The following PHF3 variants were observed in gnomAD, a reference collection of about 807,000 sequenced individuals.
PHF3 encodes PHD finger protein 3.
PHF3 carries 41 observed loss-of-function variants against 178.4 expected under a neutral mutation model. The observed-to-expected ratio is 0.23, with a 90% CI of 0.18 to 0.30. The LOEUF (loss-of-function observed/expected upper bound fraction) is 0.30. Ranked by LOEUF, PHF3 falls within the 10% of genes least tolerant of loss-of-function variation. PHF3 has a pLI of 1.00. For missense variants in PHF3, 2,346 were observed against 2,398.1 expected, an observed-to-expected ratio of 0.98 and a Z score of 0.45; for synonymous variants, 842 against 800.5, an observed-to-expected ratio of 1.05 and a Z score of -0.88.
At chr6:63,700,320 C>T in intron 8 of PHF3, 30 bp from the exon 9 acceptor site, 2 of 1,050,128 alleles carry the variant, frequency 1.9e-6, no homozygotes, top group Non-Finnish European at 2.9e-6. Context: ...GTTTGTCTCC[C>T]CTTCTATTCC....
Position 63,713,639 on chromosome 6 carries a change from A to T in PHF3, c.6051A>T (p.Glu2017Asp). 1 of 1,612,058 alleles carries T rather than the reference A, an allele frequency of 6.2e-7. No homozygotes were observed. Among genetic ancestry groups the T allele is most frequent in the Non-Finnish European group, 8.5e-7 (1 of 1,179,426 alleles). The change falls in exon 16 of 16, where the codon GAA (glutamate) becomes GAT (aspartate). Residue 2017 changes from glutamate to aspartate, a missense_variant. Glu to Asp is a conservative substitution (Grantham distance 45). This residue lies in a region of PHF3 where 839 missense variants were observed against 806.9 expected (regional missense o/e 1.04). Transcript: ENST00000262043. ...DKEREKSKHR[E>D]GEKDRDRYHK... Reference sequence around the variant, plus strand: ...AACGAGAGAAAAGTAAACACAGAGAAGGAGAAAAGGACAGGGATAGGTACC... The same window carrying T: ...AACGAGAGAAAAGTAAACACAGAGATGGAGAAAAGGACAGGGATAGGTACC...
chr6:63,653,468 T>G (rs750938784), intron 2 of PHF3, among the ~76,000 whole-genome samples: 2 of 152,134 alleles, frequency 1.3e-5, no homozygotes, highest in African/African-American at 2.4e-5. Flanking sequence ...TAGGATTGCT[T>G]TCTTGATTTT....
rs11427203 is a variant in PHF3, at chr6:63,665,486, G to GTTTTTTTTTTT, written c.245-14506_245-14496dup. ...CTGTTTCGCTTTGTGGTTTTTTTTTGTTTTTTTTTTTTTTTTTTGAGACAG... is the reference window on the plus strand; with the variant it reads ...CTGTTTCGCTTTGTGGTTTTTTTTTGTTTTTTTTTTTTTTTTTTTTTTTTTTTTTGAGACAG... On this transcript the variant is annotated intron_variant, in intron 2 of 15. Coordinates refer to ENST00000262043, the MANE Select transcript of PHF3 (RefSeq NM_001370348.2). Among the ~76,000 whole-genome samples, 179 of 111,136 alleles carry GTTTTTTTTTTT rather than the reference G, an allele frequency of 1.6e-3. 1 individual carries two copies. Among genetic ancestry groups the GTTTTTTTTTTT allele is most frequent in the East Asian group, 3.2e-3 (12 of 3,768 alleles). The allele number at this position is 111,136 out of a possible 152,430, so 72.9% of individuals were successfully genotyped here. A position where few individuals can be genotyped will look rare whatever the true frequency, so the allele number is the denominator to read the frequency against.
intron 2 of PHF3, among the ~76,000 whole-genome samples, chr6:63,664,345 C>T (rs1765590384): frequency 6.6e-6 from 1 of 152,162 alleles, no homozygotes; most frequent in African/African-American, 2.4e-5. Flanking sequence ...TGATCATTTG[C>T]TCGTATCAGA....
chr6:63,698,410 T>C (rs1226315253), intron 7 of PHF3, 39 bp from the exon 8 acceptor site: 18 of 1,585,532 alleles, frequency 1.1e-5, no homozygotes, highest in Admixed American at 1.8e-5. Context: ...AATTATGCTT[T>C]ATACATTTGA....
Position 63,687,177 on chromosome 6 carries a change from G to A in PHF3, c.2189+1266G>A, listed in dbSNP as rs1766749932. 2.0e-5 allele frequency among the ~76,000 whole-genome samples: 3 copies of A among 152,180 alleles called. No homozygotes were observed. The South Asian group carries it at 6.2e-4, about 32-fold the overall frequency. On this transcript the variant is annotated intron_variant, in intron 4 of 15. Coordinates refer to ENST00000262043, the MANE Select transcript of PHF3 (RefSeq NM_001370348.2). ...CATGCCTGTAATCCCAGCACTTTGGGAGGCTGAGGTGGGCGGTAGGCAGAT... is the reference window on the plus strand; with the variant it reads ...CATGCCTGTAATCCCAGCACTTTGGAAGGCTGAGGTGGGCGGTAGGCAGAT...
chr6:63,665,617 C>T (rs1036601737), intron 2 of PHF3, among the ~76,000 whole-genome samples: 1 of 151,328 alleles, frequency 6.6e-6, no homozygotes, highest in Non-Finnish European at 1.5e-5. Context: ...ACCCAAGCAG[C>T]TGGGATTACA....
rs994238749 is a variant in PHF3, at chr6:63,680,398, ATTTTTTTT to A, written c.406+253_406+260del. 1.1e-3 allele frequency among the ~76,000 whole-genome samples: 134 copies of A among 117,584 alleles called. 1 individual carries two copies. Among genetic ancestry groups the A allele is most frequent in the African/African-American group, 3.9e-3 (124 of 31,750 alleles). 77.1% of individuals were successfully genotyped at this position (117,584 alleles called of 152,430 possible). On this transcript the variant is annotated intron_variant, in intron 3 of 15. Coordinates refer to ENST00000262043, the MANE Select transcript of PHF3 (RefSeq NM_001370348.2). ...CCACTAGTAACTCTGAGCTGGTTTA[ATTTTTTTT>A]TTTTTTTTTTTTTTTGGTATTTACC...
At chr6:63,704,999 G>A (rs1175348792) in intron 11 of PHF3, among the ~76,000 whole-genome samples, 1 of 152,084 alleles carries the variant, frequency 6.6e-6, no homozygotes, top group Non-Finnish European at 1.5e-5. Flanking sequence ...TCTCTCTGTT[G>A]TTTTACTTTG....
intron 4 of PHF3, 134 bp from the exon 5 acceptor site, chr6:63,691,603 A>C: frequency 1.4e-6 from 1 of 728,362 alleles, no homozygotes; most frequent in Middle Eastern, 2.5e-4. Context: ...TGTTGAACTT[A>C]TGGAACGGAT....
rs1768283667 is a variant in PHF3, at chr6:63,719,335, A to G, written c.*5627A>G. On this transcript the variant is annotated 3_prime_UTR_variant, in exon 16 of 16. Transcript: ENST00000262043. ...ATTCATCAGCCCTTATTTTTTGTAA[A>G]TCTTTTCTCTAATTACTTGATGATT... is the stretch of plus-strand genomic sequence containing the variant. 6.6e-6 allele frequency among the ~76,000 whole-genome samples: 1 copy of G among 152,068 alleles called. No homozygotes were observed. The highest frequency in any genetic ancestry group is 2.4e-5 in the African/African-American group (1 of 41,438).
intron 2 of PHF3, among the ~76,000 whole-genome samples, chr6:63,653,493 T>C: frequency 6.6e-6 from 1 of 152,148 alleles, no homozygotes; most frequent in East Asian, 1.9e-4. Flanking sequence ...CCCACTAGTT[T>C]ATTTTGGTAT....
chr6:63,720,679 A>G lies in PHF3; in HGVS notation c.*6971A>G, dbSNP rs953147842. On this transcript the variant is annotated 3_prime_UTR_variant, in exon 16 of 16. Transcript: ENST00000262043. ...AGTTCAATGTTTTTTGGTTCCTGAA[A>G]AAATACAACATCTTTAATTTTGCCA... is the stretch of plus-strand genomic sequence containing the variant. 1.2e-5 allele frequency: 18 copies of G among 1,545,540 alleles called. No homozygotes were observed. In the African/African-American group the frequency reaches 2.2e-4, roughly 19 times the overall value.
intron 4 of PHF3, among the ~76,000 whole-genome samples, chr6:63,687,404 G>T (rs944869262): frequency 1.3e-5 from 2 of 152,164 alleles, no homozygotes; most frequent in African/African-American, 4.8e-5. Context: ...AGCTGGTGAC[G>T]AAGTGAGACT....
rs1767711056 is a variant in PHF3 at position 63,706,756 on chromosome 6, T to G, written c.3591T>G (p.Val1197=). 4 of 1,613,810 alleles carry G rather than the reference T, an allele frequency of 2.5e-6. No homozygotes were observed. The South Asian group carries it at 3.3e-5, about 13-fold the overall frequency. ...CAGAGATGCCTGGAACTGTTGAAGT[T>G]GAGTCTACCTTTCTGGCTCGATTGA... is the stretch of plus-strand genomic sequence containing the variant. ...PRPEMPGTVE[V]ESTFLARLNF... Residue 1197 remains valine (V), a synonymous_variant, in exon 13 of 16, where the codon GTT becomes GTG. Coordinates refer to ENST00000262043, the MANE Select transcript of PHF3 (RefSeq NM_001370348.2).
At chr6:63,703,176 C>T (rs957326320) in intron 10 of PHF3, among the ~76,000 whole-genome samples, 5 of 152,106 alleles carry the variant, frequency 3.3e-5, no homozygotes, top group African/African-American at 1.2e-4. Context: ...CCGTGCCTGG[C>T]CTGACTTAGT....
rs887087011 is a variant in PHF3 at position 63,725,322 on chromosome 6, CACAA to C, written c.*11620_*11623del. Among the ~76,000 whole-genome samples, 5 of 151,648 alleles carry C rather than the reference CACAA, an allele frequency of 3.3e-5. No homozygotes were observed. Among genetic ancestry groups the C allele is most frequent in the African/African-American group, 9.7e-5 (4 of 41,048 alleles). The stretch of plus-strand genomic sequence containing the variant: ...GTGTATGAGCTTTATATTTCATATA[CACAA>C]ACAAATATGTATCGTTGTACTGATT... On this transcript the variant is annotated 3_prime_UTR_variant, in exon 16 of 16. Transcript: ENST00000262043.
intron 11 of PHF3, among the ~76,000 whole-genome samples, chr6:63,704,956 G>T (rs1309811799): frequency 6.6e-6 from 1 of 152,168 alleles, no homozygotes; most frequent in African/African-American, 2.4e-5. Context: ...CAGTATTCTA[G>T]ATTTTGGCCA....
intron 1 of PHF3, among the ~76,000 whole-genome samples, chr6:63,645,020 A>G (rs77097980): frequency 0.025 from 3,727 of 151,720 alleles, 153 homozygotes; most frequent in African/African-American, 0.086. Flanking sequence ...GACTGGGTCT[A>G]CAGGCACACG....
Sources: gnomAD v4.1 joint callset for allele counts (sites outside exome capture counted in the v4.1 genomes callset) on GRCh38, gnomAD v4.1.1 for gene constraint, gnomAD v4.1.1 regional missense constraint, MANE v1.5 for transcripts, NCBI Gene and HGNC (gene_info 2026-07-23, HGNC 2026-07-21) for gene names.